The following PABPC1 variants were observed in gnomAD, a reference collection of about 807,000 sequenced individuals.
The protein encoded by PABPC1 is poly(A) binding protein cytoplasmic 1, also known as polyadenylate-binding protein 1.
A neutral mutation model predicts 74.0 loss-of-function variants in PABPC1; 4 were observed. That is an observed-to-expected ratio of 0.05 (90% CI 0.03 to 0.12). The LOEUF is 0.12. Among genes scored for constraint, PABPC1 ranks in the 10% least tolerant of loss-of-function variants. PABPC1 has a pLI of 1.00. For synonymous variants in PABPC1, 227 were observed against 264.1 expected, an observed-to-expected ratio of 0.86 and a Z score of 1.36; for missense variants, 271 against 821.1, an observed-to-expected ratio of 0.33 and a Z score of 8.19.
At chr8:100,718,335 T>G in intron 1 of PABPC1, 55 bp from the exon 2 acceptor site, 1 of 1,436,282 alleles carries the variant, frequency 7.0e-7, no homozygotes, top group Non-Finnish European at 9.6e-7. Context: ...TGCTGGCTAC[T>G]TAAGATTATA....
At position 100,721,098 on chromosome 8, in the gene PABPC1, C is replaced by A. The variant is rs1327138577; in HGVS notation, c.193+293G>T. 6.6e-6 allele frequency among the ~76,000 whole-genome samples: 1 copy of A among 152,180 alleles called. No individual in the cohort carries two copies. The highest frequency in any genetic ancestry group is 2.4e-5 in the African/African-American group (1 of 41,444). On this transcript the variant is annotated intron_variant, in intron 1 of 14. Coordinates refer to ENST00000318607, the MANE Select transcript of PABPC1 (RefSeq NM_002568.4). This position sits in a 1 kb window ranked among gnomAD's most constrained non-coding sequence, Gnocchi z 7.4. ...CACTGGCGGGAGCGCCGCGGAGGAA[C>A]CGAATCTCACCCACCCTCCCGGCGC...
intron 9 of PABPC1, among the ~76,000 whole-genome samples, chr8:100,707,460 G>A (rs1189514337): frequency 6.6e-6 from 1 of 152,200 alleles, no homozygotes; most frequent in African/African-American, 2.4e-5. Context: ...TGGGTTACGT[G>A]TCCACTGGAG....
intron 4 of PABPC1, among the ~76,000 whole-genome samples, 160 bp downstream of exon 4, chr8:100,715,302 G>A (rs992817903): frequency 8.5e-5 from 13 of 152,180 alleles, no homozygotes; most frequent in Admixed American, 1.3e-4. Flanking sequence ...ACTTTGTAGT[G>A]TAATAGATGG....
At chr8:100,717,550 C>T (rs1477486765) in intron 3 of PABPC1, among the ~76,000 whole-genome samples, 2 of 152,162 alleles carry the variant, frequency 1.3e-5, no homozygotes, top group Non-Finnish European at 2.9e-5. Flanking sequence ...TTGTATGTTA[C>T]ACTTACTGTG....
chr8:100,705,442 T>G lies in PABPC1; in HGVS notation c.1687+147A>C. The G allele has an allele frequency of 4.2e-6, 3 of 709,386 alleles. No homozygotes were observed. The Admixed American group carries it at 6.2e-5, about 15-fold the overall frequency. The allele number at this position is 709,386 out of a possible 1,614,324, so 43.9% of individuals were successfully genotyped here. On this transcript the variant is annotated intron_variant, in intron 12 of 14. Transcript: ENST00000318607. ...TTATTGGCTTTCCAGTGGTTTTAATTAGGCAGACCAACTGTACTATCATAA... is the reference window on the plus strand; with the variant it reads ...TTATTGGCTTTCCAGTGGTTTTAATGAGGCAGACCAACTGTACTATCATAA...
intron 7 of PABPC1, among the ~76,000 whole-genome samples, chr8:100,710,844 G>A (rs549073729): frequency 7.2e-5 from 11 of 152,022 alleles, no homozygotes; most frequent in East Asian, 3.9e-4. Context: ...AAAATTAGCC[G>A]GGCATGGTGG....
At chr8:100,711,521 C>T (rs1353423027) in intron 7 of PABPC1, among the ~76,000 whole-genome samples, 2 of 152,186 alleles carry the variant, frequency 1.3e-5, no homozygotes, top group East Asian at 3.9e-4. Context: ...TCAAAATATG[C>T]TGATGCACAA....
intron 11 of PABPC1, 79 bp downstream of exon 11, chr8:100,706,572 C>G (rs547467583): frequency 2.3e-6 from 3 of 1,285,974 alleles, no homozygotes; most frequent in South Asian, 2.6e-5. Context: ...TAGGTGTGAG[C>G]CACTGTGCCC....
At chr8:100,707,184 A>G in intron 9 of PABPC1, 187 bp from the exon 10 acceptor site, 1 of 499,738 alleles carries the variant, frequency 2.0e-6, no homozygotes, top group East Asian at 3.8e-5. Flanking sequence ...ATTAATTCAT[A>G]CAAGGACGAG....
intron 1 of PABPC1, among the ~76,000 whole-genome samples, chr8:100,720,895 G>A (rs1810805782): frequency 1.3e-5 from 2 of 152,216 alleles, no homozygotes; most frequent in South Asian, 2.1e-4. Flanking sequence ...CCAGGAGCAG[G>A]AGCAGAAGCA....
At chr8:100,718,779 T>C (rs1299629927) in intron 1 of PABPC1, among the ~76,000 whole-genome samples, 1 of 152,180 alleles carries the variant, frequency 6.6e-6, no homozygotes, top group African/African-American at 2.4e-5. Context: ...ATATGAAAAC[T>C]AGTCCATTTC....
intron 9 of PABPC1, among the ~76,000 whole-genome samples, chr8:100,708,881 A>AAATAAAT (rs142393642): frequency 1.0e-4 from 5 of 49,002 alleles, no homozygotes; most frequent in African/African-American, 3.5e-4. Flanking sequence ...TCTGTCTCGA[A>AAATAAAT]AATAAATAAA....
intron 3 of PABPC1, 108 bp downstream of exon 3, chr8:100,717,660 TTTATC>T (rs1321487838): frequency 1.5e-5 from 10 of 653,330 alleles, no homozygotes; most frequent in African/African-American, 3.7e-5. Context: ...TTTTTATTCT[TTTATC>T]TTATGTGCAT....
At chr8:100,707,721 A>G (rs989008668) in intron 9 of PABPC1, among the ~76,000 whole-genome samples, 3 of 152,224 alleles carry the variant, frequency 2.0e-5, no homozygotes, top group African/African-American at 7.2e-5. Flanking sequence ...GACTGATGTC[A>G]GGCCCTCCAC....
At chr8:100,707,708 C>T (rs981711197) in intron 9 of PABPC1, among the ~76,000 whole-genome samples, 6 of 152,236 alleles carry the variant, frequency 3.9e-5, no homozygotes, top group African/African-American at 1.4e-4. Flanking sequence ...TGCAGGCAAG[C>T]CTGACTGATG....
intron 3 of PABPC1, among the ~76,000 whole-genome samples, chr8:100,717,344 T>A (rs1810697853): frequency 6.6e-6 from 1 of 152,206 alleles, no homozygotes; most frequent in Non-Finnish European, 1.5e-5. Flanking sequence ...TTACAGTACA[T>A]AAAAGCAAAT....
At chr8:100,704,555 C>A (rs2129665495) in intron 13 of PABPC1, among the ~76,000 whole-genome samples, 165 bp from the exon 14 acceptor site, 1 of 152,312 alleles carries the variant, frequency 6.6e-6, no homozygotes, top group Admixed American at 6.5e-5. Context: ...AGTTCTATTA[C>A]ACCACTATTC....
chr8:100,704,037 A>G (rs1810315265), intron 14 of PABPC1: 1 of 349,422 alleles, frequency 2.9e-6, no homozygotes, highest in Non-Finnish European at 5.2e-6. Flanking sequence ...GTTGGGCGAC[A>G]GAACGAAACT....
At chr8:100,710,701 G>A (rs531647967) in intron 7 of PABPC1, among the ~76,000 whole-genome samples, 4 of 152,306 alleles carry the variant, frequency 2.6e-5, no homozygotes, top group African/African-American at 9.6e-5. Context: ...TAAAACAAAT[G>A]TTTGGCCGGG....
Sources: allele counts gnomAD v4.1 joint callset (sites outside exome capture counted in the v4.1 genomes callset), GRCh38; gene constraint gnomAD v4.1.1; non-coding constraint Gnocchi (gnomAD v3.1); transcripts MANE v1.5; gene names NCBI Gene and HGNC (gene_info 2026-07-23, HGNC 2026-07-21).